Variants in RAB6A observed in about 807,000 individuals in gnomAD.
RAB6A encodes the protein RAB6A, member RAS oncogene family, also known as ras-related protein Rab-6A.
Under a neutral mutation model 32.3 loss-of-function variants are expected in RAB6A, and 8 were observed. The ratio of observed to expected loss-of-function variants is 0.25; its 90% CI spans 0.15 to 0.45. The LOEUF is 0.45. Ranked by LOEUF, RAB6A falls within the 20% of genes least tolerant of loss-of-function variation. The pLI is 1.00. For missense variants in RAB6A, 104 were observed against 249.4 expected (o/e 0.42, Z 3.93); for synonymous variants, 73 against 82.1 (o/e 0.89, Z 0.60).
chr11:73,702,885 C>T (rs1391853345), intron 6 of RAB6A, among the ~76,000 whole-genome samples: 1 of 151,014 alleles, frequency 6.6e-6, no homozygotes, highest in Non-Finnish European at 1.5e-5. Context: ...GAGACAGAGT[C>T]TCGCTCTGTC....
At chr11:73,707,033 G>C (rs1945857015) in intron 6 of RAB6A, among the ~76,000 whole-genome samples, 1 of 151,242 alleles carries the variant, frequency 6.6e-6, no homozygotes, top group South Asian at 2.1e-4. Flanking sequence ...CAGGAGAGCT[G>C]CTTGAACCCA....
chr11:73,725,385 T>C (rs1158724756), intron 2 of RAB6A, among the ~76,000 whole-genome samples: 1 of 152,200 alleles, frequency 6.6e-6, no homozygotes, highest in Non-Finnish European at 1.5e-5. Flanking sequence ...TTGTCAAGCA[T>C]ATGTGATTGA....
Position 73,732,030 on chromosome 11 carries a change from TG to T in RAB6A, c.71-1208del, listed in dbSNP as rs375536282. On this transcript the variant is annotated intron_variant, in intron 1 of 7. Transcript: ENST00000336083. ...CTGAGATTATAGGCGTGCACCACTG[TG>T]TCTGGACTGTATTGATATTTTTAGG... Among the ~76,000 whole-genome samples, 1,268 of 151,748 alleles carry T rather than the reference TG, an allele frequency of 8.4e-3. 14 individuals are homozygous for T. Among genetic ancestry groups the T allele is most frequent in the Non-Finnish European group, 9.8e-3 (664 of 67,924 alleles).
intron 6 of RAB6A, among the ~76,000 whole-genome samples, chr11:73,692,502 C>CAA (rs34201129): frequency 0.02 from 1,126 of 56,156 alleles, 61 homozygotes; most frequent in African/African-American, 0.061. Context: ...GACTCTGTCT[C>CAA]AAAAAAAAAA....
intron 5 of RAB6A, 26 bp from the exon 6 acceptor site, chr11:73,707,539 ACTTT>A (rs1409544117): frequency 6.7e-7 from 1 of 1,495,868 alleles, no homozygotes; most frequent in Non-Finnish European, 9.3e-7. Flanking sequence ...CAAACTTCTT[ACTTT>A]TGAGACATGA....
chr11:73,716,599 A>G (rs1224685574), intron 4 of RAB6A, among the ~76,000 whole-genome samples: 3 of 152,194 alleles, frequency 2.0e-5, no homozygotes, highest in Non-Finnish European at 4.4e-5. Context: ...AAATTTTTTG[A>G]ACATGATCAA....
At chr11:73,727,988 T>A (rs186236163) in intron 2 of RAB6A, among the ~76,000 whole-genome samples, 2,032 of 152,296 alleles carry the variant, frequency 0.013, 37 homozygotes, top group African/African-American at 0.047. Flanking sequence ...TAACTTAAAA[T>A]TTTTTTAATT....
intron 2 of RAB6A, among the ~76,000 whole-genome samples, chr11:73,726,985 C>G (rs1161166759): frequency 6.6e-6 from 1 of 152,048 alleles, no homozygotes; most frequent in Non-Finnish European, 1.5e-5. Context: ...AGGAGGCTAG[C>G]AGATTGTCTA....
intron 1 of RAB6A, among the ~76,000 whole-genome samples, chr11:73,743,349 T>C (rs896429657): frequency 1.3e-5 from 2 of 151,268 alleles, no homozygotes; most frequent in African/African-American, 4.9e-5. Context: ...GCACTGTCAG[T>C]GTCCAACCTC....
chr11:73,751,460 G>C (rs556961769), intron 1 of RAB6A, among the ~76,000 whole-genome samples: 5 of 152,186 alleles, frequency 3.3e-5, no homozygotes, highest in Admixed American at 1.3e-4. Flanking sequence ...AAGCTGATTT[G>C]GACCACAGAA....
intron 2 of RAB6A, among the ~76,000 whole-genome samples, chr11:73,725,704 A>G (rs1409138980): frequency 2.6e-5 from 4 of 152,166 alleles, no homozygotes; most frequent in Non-Finnish European, 4.4e-5. Context: ...CTCCCACAAC[A>G]TGTGGGAATT....
chr11:73,703,162 C>T (rs115283224), intron 6 of RAB6A, among the ~76,000 whole-genome samples: 1 of 152,026 alleles, frequency 6.6e-6, no homozygotes, highest in Admixed American at 6.6e-5. Flanking sequence ...AACATGGGTT[C>T]AGGTGAATGC....
At chr11:73,721,374 C>G (rs1034033712) in intron 2 of RAB6A, among the ~76,000 whole-genome samples, 1 of 152,074 alleles carries the variant, frequency 6.6e-6, no homozygotes, top group African/African-American at 2.4e-5. Context: ...CATAACTTTC[C>G]ATAAGAGACA....
intron 1 of RAB6A, among the ~76,000 whole-genome samples, chr11:73,731,327 G>A (rs1004267599): frequency 1.3e-5 from 2 of 151,950 alleles, no homozygotes; most frequent in African/African-American, 4.8e-5. Context: ...GGTGGATCAC[G>A]AGGTCAAGAG....
At chr11:73,722,474 C>T (rs2886816) in intron 2 of RAB6A, 72,028 of 148,798 alleles carry the variant, frequency 0.48, 18,762 homozygotes, top group East Asian at 0.6. Flanking sequence ...GCTGGGACTA[C>T]AGGTGCATGC....
intron 6 of RAB6A, among the ~76,000 whole-genome samples, chr11:73,680,490 GAAAATACAAAA>G (rs1380386980): frequency 2.6e-5 from 4 of 152,114 alleles, no homozygotes; most frequent in African/African-American, 9.7e-5. Flanking sequence ...TGTCTCTACA[GAAAATACAAAA>G]ATGAGCTGGG....
chr11:73,685,885 C>CAAAAAA (rs56270679), intron 6 of RAB6A, among the ~76,000 whole-genome samples: 2,368 of 102,526 alleles, frequency 0.023, 220 homozygotes, highest in East Asian at 0.054. Context: ...AACTCCGTCT[C>CAAAAAA]AAAAAAAAAA....
chr11:73,731,773 C>T (rs1482773096), intron 1 of RAB6A, among the ~76,000 whole-genome samples: 2 of 143,658 alleles, frequency 1.4e-5, no homozygotes, highest in African/African-American at 2.6e-5. Context: ...TAGACAGTCT[C>T]GCTCTGTTGC....
At chr11:73,757,139 T>A (rs1243228367) in intron 1 of RAB6A, among the ~76,000 whole-genome samples, 18 of 90,938 alleles carry the variant, frequency 2.0e-4, no homozygotes, top group South Asian at 4.6e-4. Context: ...ATTTTTTTTT[T>A]TTTTTTTTTT....
Sources: gnomAD v4.1 joint callset for allele counts (sites outside exome capture counted in the v4.1 genomes callset) on GRCh38, gnomAD v4.1.1 for gene constraint, MANE v1.5 for transcripts, NCBI Gene and HGNC (gene_info 2026-07-23, HGNC 2026-07-21) for gene names.